NAALADL2: variants seen among roughly 807,000 people sequenced by gnomAD.
The protein encoded by NAALADL2 is inactive N-acetylated-alpha-linked acidic dipeptidase-like protein 2.
Under a neutral mutation model 87.2 loss-of-function variants are expected in NAALADL2, and 76 were observed. The observed-to-expected ratio is 0.87, with a 90% CI of 0.72 to 1.05. The LOEUF is 1.05. Among genes scored for constraint, NAALADL2 ranks in the 50% least tolerant of loss-of-function variants. NAALADL2 has a pLI of 0.00. For missense variants in NAALADL2, 1,089 were observed against 945.8 expected, an observed-to-expected ratio of 1.15 and a Z score of -1.99; for synonymous variants, 354 against 331.0, an observed-to-expected ratio of 1.07 and a Z score of -0.75.
Position 174,840,556 on chromosome 3 carries a change from T to C in NAALADL2, c.-9+102810T>C, listed in dbSNP as rs59475054. Among the ~76,000 whole-genome samples, 1,378 of 152,300 alleles carry C rather than the reference T, an allele frequency of 9.0e-3. 19 individuals carry two copies. Among genetic ancestry groups the C allele is most frequent in the African/African-American group, 0.031 (1,303 of 41,584 alleles). On this transcript the variant is annotated intron_variant, in intron 3 of 3. Transcript: ENST00000434257. ...TAGCAGAGGCATTTTTGCCTCTATT[T>C]TTAGATGTACTTTTTCTCAAAGTTG...
intron 2 of NAALADL2, among the ~76,000 whole-genome samples, chr3:175,190,126 G>C (rs1404378027): frequency 6.6e-6 from 1 of 150,680 alleles, no homozygotes; most frequent in Non-Finnish European, 1.5e-5. Flanking sequence ...TAGGGGAAAA[G>C]CTCATTGACA....
intron 9 of NAALADL2, among the ~76,000 whole-genome samples, chr3:175,558,525 A>G (rs1296663272): frequency 6.6e-6 from 1 of 152,134 alleles, no homozygotes; most frequent in Non-Finnish European, 1.5e-5. Flanking sequence ...AGTTTCTGCA[A>G]TGTTTTCTTT....
intron 5 of NAALADL2, among the ~76,000 whole-genome samples, chr3:175,395,114 A>T (rs1013742144): frequency 6.6e-6 from 1 of 152,080 alleles, no homozygotes; most frequent in Non-Finnish European, 1.5e-5. Flanking sequence ...GATGACTGAG[A>T]TGGCTACTAA....
chr3:175,529,463 C>A (rs1282112387), intron 9 of NAALADL2, among the ~76,000 whole-genome samples: 1 of 152,192 alleles, frequency 6.6e-6, no homozygotes, highest in Non-Finnish European at 1.5e-5. Context: ...CCCACTGCTA[C>A]CCCTTGATTC....
chr3:174,667,709 T>C (rs1046717982), intron 2 of NAALADL2, among the ~76,000 whole-genome samples: 1 of 152,032 alleles, frequency 6.6e-6, no homozygotes, highest in African/African-American at 2.4e-5. Flanking sequence ...CTGGAGCTTC[T>C]AAGCTCATAA....
At chr3:175,413,387 C>G (rs988570027) in intron 5 of NAALADL2, among the ~76,000 whole-genome samples, 2 of 150,836 alleles carry the variant, frequency 1.3e-5, no homozygotes, top group Admixed American at 1.3e-4. Context: ...CTGGCTAACA[C>G]GGTGAAACCC....
chr3:174,493,526 A>G (rs1718334251), intron 1 of NAALADL2, among the ~76,000 whole-genome samples: 1 of 152,234 alleles, frequency 6.6e-6, no homozygotes, highest in South Asian at 2.1e-4. Flanking sequence ...TTATGAGAAA[A>G]TAAATTTCTG....
intron 1 of NAALADL2, among the ~76,000 whole-genome samples, chr3:174,516,044 A>G (rs1719918545): frequency 2.0e-5 from 3 of 151,650 alleles, no homozygotes; most frequent in Admixed American, 2.0e-4. Context: ...TAAAGTATTT[A>G]TTGTTGATTT....
chr3:175,114,798 G>A (rs1192838357), intron 2 of NAALADL2, among the ~76,000 whole-genome samples: 1 of 151,596 alleles, frequency 6.6e-6, no homozygotes, highest in Non-Finnish European at 1.5e-5. Flanking sequence ...CATAGTGCTT[G>A]TTTGTGGAAT....
At chr3:174,912,280 G>T (rs1340804404) in intron 1 of NAALADL2, among the ~76,000 whole-genome samples, 1 of 151,862 alleles carries the variant, frequency 6.6e-6, no homozygotes, top group East Asian at 1.9e-4. Flanking sequence ...TAAGGAAGAT[G>T]GAATGTCAAC....
chr3:175,619,675 T>C (rs1474234048), intron 10 of NAALADL2, among the ~76,000 whole-genome samples: 1 of 152,132 alleles, frequency 6.6e-6, no homozygotes, highest in Admixed American at 6.5e-5. Flanking sequence ...TACTCAGTTA[T>C]ATTGTCTCTG....
intron 2 of NAALADL2, among the ~76,000 whole-genome samples, chr3:174,635,059 G>A (rs1192410087): frequency 2.0e-5 from 3 of 152,072 alleles, no homozygotes; most frequent in African/African-American, 7.2e-5. Context: ...ATTGTTTTAT[G>A]GTACACATTC....
chr3:175,411,066 G>A (rs1028786106), intron 5 of NAALADL2, among the ~76,000 whole-genome samples: 1 of 152,116 alleles, frequency 6.6e-6, no homozygotes, highest in Non-Finnish European at 1.5e-5. Flanking sequence ...ATGAAAGAGT[G>A]TGTCAATAAG....
chr3:175,091,842 A>G (rs1172853333), intron 1 of NAALADL2, among the ~76,000 whole-genome samples: 3 of 151,952 alleles, frequency 2.0e-5, no homozygotes, highest in African/African-American at 4.8e-5. Flanking sequence ...ATATATCTGA[A>G]CCATAGCTAA....
rs77593131 is a variant in NAALADL2, at chr3:175,498,321, C to A, written c.1653+26563C>A. 4.7e-3 allele frequency among the ~76,000 whole-genome samples: 710 copies of A among 152,176 alleles called. 10 individuals carry two copies. Among genetic ancestry groups the A allele is most frequent in the African/African-American group, 0.016 (685 of 41,548 alleles). On this transcript the variant is annotated intron_variant, in intron 9 of 13. Coordinates refer to ENST00000454872, the MANE Select transcript of NAALADL2 (RefSeq NM_207015.3). ...AGAGAAAATACCAATTTGTACTCTT[C>A]AGCGCAGTGTATGAGTGTAAACCAA...
intron 5 of NAALADL2, among the ~76,000 whole-genome samples, chr3:175,347,380 A>C (rs1031062083): frequency 2.0e-5 from 3 of 152,184 alleles, no homozygotes; most frequent in African/African-American, 7.2e-5. Flanking sequence ...TACATAGGGT[A>C]TTTAAAACTA....
At chr3:175,546,412 G>A (rs1019859675) in intron 9 of NAALADL2, among the ~76,000 whole-genome samples, 1 of 152,048 alleles carries the variant, frequency 6.6e-6, no homozygotes, top group African/African-American at 2.4e-5. Flanking sequence ...GTTGATATGT[G>A]TGGATTTGAT....
intron 3 of NAALADL2, among the ~76,000 whole-genome samples, chr3:174,833,055 C>T (rs181163418): frequency 2.6e-3 from 394 of 152,240 alleles, no homozygotes; most frequent in Middle Eastern, 6.8e-3. Context: ...TCACTTTCTT[C>T]CATTCTCAGA....
chr3:174,757,736 C>T (rs918078456), intron 3 of NAALADL2, among the ~76,000 whole-genome samples: 5 of 152,030 alleles, frequency 3.3e-5, no homozygotes, highest in African/African-American at 1.2e-4. Context: ...AACTCCTGAC[C>T]TTGTGATCCA....
Sources: gnomAD v4.1 joint callset for allele counts (sites outside exome capture counted in the v4.1 genomes callset) on GRCh38, gnomAD v4.1.1 for gene constraint, MANE v1.5 for transcripts, NCBI Gene and HGNC (gene_info 2026-07-23, HGNC 2026-07-21) for gene names.